Variants in CDC42BPB observed in about 807,000 individuals in gnomAD.
CDC42BPB encodes the protein CDC42 binding protein kinase beta, also known as serine/threonine-protein kinase MRCK beta.
Under a neutral mutation model 214.9 loss-of-function variants are expected in CDC42BPB, and 37 were observed. That is an observed-to-expected ratio of 0.17 (90% CI 0.13 to 0.23). The LOEUF (loss-of-function observed/expected upper bound fraction) is 0.23. Among genes scored for constraint, CDC42BPB ranks in the 10% least tolerant of loss-of-function variants. The pLI is 1.00. For missense variants in CDC42BPB, 1,694 were observed against 2,227.0 expected (o/e 0.76, Z 4.82); for synonymous variants, 931 against 884.0 (o/e 1.05, Z -0.94).
At chr14:103,049,357 C>A (rs953817915) in intron 1 of CDC42BPB, among the ~76,000 whole-genome samples, 1 of 152,220 alleles carries the variant, frequency 6.6e-6, no homozygotes, top group Non-Finnish European at 1.5e-5. Context: ...AAGGCCACAG[C>A]CCCGGAGGCC....
rs370512728 is a variant in CDC42BPB, at chr14:102,999,833, AG to A, written c.448-121del. On this transcript the variant is annotated intron_variant, in intron 4 of 36. Transcript: ENST00000361246. ...CTCCAGGTCTGGCTCGTGGCATCTC[AG>A]CTGCTCTTCTGTCACCCAAGACCCT... is the stretch of plus-strand genomic sequence containing the variant. 5 of 1,496,462 alleles carry A rather than the reference AG, an allele frequency of 3.3e-6. No individual in the cohort carries two copies. The African/African-American group carries it at 5.6e-5, about 17-fold the overall frequency. The allele number at this position is 1,496,462 out of a possible 1,614,324, so 92.7% of individuals were successfully genotyped here. A position where few individuals can be genotyped will look rare whatever the true frequency, so the allele number is the denominator to read the frequency against.
chr14:102,952,188 A>G (rs979844677), intron 24 of CDC42BPB, among the ~76,000 whole-genome samples: 1 of 151,944 alleles, frequency 6.6e-6, no homozygotes, highest in African/African-American at 2.4e-5. Context: ...AACTCTCTAC[A>G]AAAAAAATTT....
At chr14:102,938,019 C>T in intron 36 of CDC42BPB, 85 bp downstream of exon 36, 2 of 1,442,898 alleles carry the variant, frequency 1.4e-6, no homozygotes, top group Non-Finnish European at 1.9e-6. Context: ...GGCTGTGACA[C>T]CACCCAGGGC....
rs1350532228 is a variant in CDC42BPB at position 102,970,220 on chromosome 14, C to CT, written c.1925dup (p.Glu643GlyfsTer6). On this transcript the variant is annotated frameshift_variant, in exon 14 of 37. Coordinates refer to ENST00000361246, the MANE Select transcript of CDC42BPB (RefSeq NM_006035.4). LOFTEE classifies it high-confidence loss of function. ...CGCTGTGCTCACGAAGCTTGCGCTC[C>CT]TTGGAGGCCTCAGCAACAGCATCAT... 6.2e-7 allele frequency: 1 copy of CT among 1,613,764 alleles called. No individual in the cohort carries two copies.
At position 102,938,417 on chromosome 14, in the gene CDC42BPB, C is replaced by G. The variant is rs769017276; in HGVS notation, c.4828-6G>C. On this transcript the variant is annotated splice_polypyrimidine_tract_variant and splice_region_variant and intron_variant, in intron 34 of 36. Coordinates refer to ENST00000361246, the MANE Select transcript of CDC42BPB (RefSeq NM_006035.4). ...TGGGAGGGGGGCACAGCACTCTGGG[C>G]AGAAATAGCAACACGTGAGCATGCT... 6.5e-7 allele frequency: 1 copy of G among 1,528,536 alleles called. No homozygotes were observed. Among genetic ancestry groups the G allele is most frequent in the Admixed American group, 2.2e-5 (1 of 45,390 alleles). The allele number at this position is 1,528,536 out of a possible 1,614,324, so 94.7% of individuals were successfully genotyped here. A position where few individuals can be genotyped will look rare whatever the true frequency, so the allele number is the denominator to read the frequency against.
chr14:102,965,572 G>T (rs1042146537), intron 18 of CDC42BPB, among the ~76,000 whole-genome samples: 3 of 152,098 alleles, frequency 2.0e-5, no homozygotes, highest in Non-Finnish European at 4.4e-5. Flanking sequence ...CCATCTTGCT[G>T]TTTTTTCTTT....
intron 1 of CDC42BPB, among the ~76,000 whole-genome samples, chr14:103,024,267 T>C (rs947031171): frequency 7.9e-5 from 12 of 152,176 alleles, no homozygotes; most frequent in African/African-American, 2.9e-4. Context: ...TGCTCTGGCC[T>C]CTAGAGTTCT....
intron 26 of CDC42BPB, among the ~76,000 whole-genome samples, chr14:102,949,318 T>C (rs1288687127): frequency 1.3e-5 from 2 of 152,094 alleles, no homozygotes; most frequent in African/African-American, 4.8e-5. Flanking sequence ...CAGGGTCACA[T>C]AGCAAACGCT....
chr14:103,021,670 A>T (rs980581754), intron 1 of CDC42BPB, among the ~76,000 whole-genome samples: 1 of 106,904 alleles, frequency 9.4e-6, no homozygotes, highest in African/African-American at 3.6e-5. Context: ...ACAAAGCAAG[A>T]CCTAGTCTCA....
chr14:103,012,057 G>T, intron 2 of CDC42BPB, 40 bp downstream of exon 2: 3 of 1,332,092 alleles, frequency 2.3e-6, no homozygotes, highest in Non-Finnish European at 3.3e-6. Context: ...CTGATGTTTT[G>T]GCAATTTAGG....
At chr14:103,018,876 G>A (rs535697112) in intron 1 of CDC42BPB, among the ~76,000 whole-genome samples, 52 of 152,322 alleles carry the variant, frequency 3.4e-4, no homozygotes, top group African/African-American at 1.3e-3. Context: ...AGAAGTGGGA[G>A]AACCAGCCTG....
At chr14:102,954,156 A>G in intron 23 of CDC42BPB, 42 bp downstream of exon 23, 1 of 1,270,896 alleles carries the variant, frequency 7.9e-7, no homozygotes, top group Non-Finnish European at 1.1e-6. Context: ...ATAAACAACT[A>G]AATAACTAAG....
At chr14:103,056,948 G>C (rs1021912526) in intron 1 of CDC42BPB, 51 bp downstream of exon 1, 1 of 1,264,976 alleles carries the variant, frequency 7.9e-7, no homozygotes, top group South Asian at 1.8e-5. Flanking sequence ...GCGCGGGCTG[G>C]GGCGCGGGGG....
intron 14 of CDC42BPB, among the ~76,000 whole-genome samples, chr14:102,969,596 G>A (rs1041947791): frequency 6.6e-6 from 1 of 152,212 alleles, no homozygotes; most frequent in Non-Finnish European, 1.5e-5. Context: ...CATCGCACGC[G>A]GCTCACACAT....
In CDC42BPB at chr14:102,932,892, AG is replaced by A. The variant is rs1566832723; in HGVS notation, c.*819del. 1 of 4,456 alleles carries A rather than the reference AG, an allele frequency of 2.2e-4. No homozygotes were observed. Among genetic ancestry groups the A allele is most frequent in the African/African-American group, 8.8e-4 (1 of 1,138 alleles). 0.3% of individuals were successfully genotyped at this position (4,456 alleles called of 1,614,324 possible). ...AGGACTGGTGGGGGGGGGGGCGGGCAGGGCGGGGCGGGGTGGGGTATCCCAG... is the reference window on the plus strand; with the variant it reads ...AGGACTGGTGGGGGGGGGGGCGGGCAGGCGGGGCGGGGTGGGGTATCCCAG... On this transcript the variant is annotated 3_prime_UTR_variant, in exon 37 of 37. Coordinates refer to ENST00000361246, the MANE Select transcript of CDC42BPB (RefSeq NM_006035.4).
intron 11 of CDC42BPB, among the ~76,000 whole-genome samples, chr14:102,974,888 G>A (rs1424206908): frequency 6.6e-6 from 1 of 152,234 alleles, no homozygotes; most frequent in Non-Finnish European, 1.5e-5. Flanking sequence ...GGAGCTTGCA[G>A]TGAGCCGAGA....
At chr14:102,968,223 G>A in intron 16 of CDC42BPB, 30 bp downstream of exon 16, 2 of 1,522,306 alleles carry the variant, frequency 1.3e-6, no homozygotes, top group Non-Finnish European at 1.8e-6. Context: ...TCCACACAAA[G>A]TGCTAACTCA....
intron 2 of CDC42BPB, among the ~76,000 whole-genome samples, chr14:103,010,563 G>A (rs1165964223): frequency 2.0e-5 from 3 of 152,206 alleles, no homozygotes; most frequent in Admixed American, 6.5e-5. Flanking sequence ...AGGCCATCTC[G>A]CTTTGTAGTG....
chr14:103,008,444 T>C (rs1385400915), intron 3 of CDC42BPB, 28 bp downstream of exon 3: 2 of 1,456,506 alleles, frequency 1.4e-6, no homozygotes, highest in South Asian at 1.1e-5. Flanking sequence ...AAGCCCCATT[T>C]GTATGGCTTT....
Sources: allele counts gnomAD v4.1 joint callset (sites outside exome capture counted in the v4.1 genomes callset), GRCh38; gene constraint gnomAD v4.1.1; transcripts MANE v1.5; gene names NCBI Gene and HGNC (gene_info 2026-07-23, HGNC 2026-07-21).